AKAP19: variants seen among roughly 807,000 people sequenced by gnomAD.
The protein encoded by AKAP19 is small A-kinase anchoring protein.
the AKAP19 span, among the ~76,000 whole-genome samples, chr2:190,025,027 G>T: frequency 6.6e-6 from 1 of 152,066 alleles, no homozygotes; most frequent in African/African-American, 2.4e-5. Flanking sequence ...CAAGGAGGAG[G>T]TATATTGTTT....
the AKAP19 span, among the ~76,000 whole-genome samples, chr2:190,178,611 T>A: frequency 6.6e-6 from 1 of 152,182 alleles, no homozygotes; most frequent in African/African-American, 2.4e-5. The surrounding 1 kb of genome is among the most constrained non-coding windows in gnomAD (Gnocchi z 6.3). Flanking sequence ...AGCCCTATGA[T>A]GGCGAAGGAA....
At chr2:190,118,496 G>T in the AKAP19 span, among the ~76,000 whole-genome samples, 2 of 152,190 alleles carry the variant, frequency 1.3e-5, no homozygotes, top group Non-Finnish European at 2.9e-5. Context: ...AAATCCAGCA[G>T]CACATCAAAA....
the AKAP19 span, among the ~76,000 whole-genome samples, chr2:190,003,523 GTTTA>G: frequency 2.3e-4 from 35 of 152,154 alleles, no homozygotes; most frequent in South Asian, 7.3e-3. Flanking sequence ...TTTCAAAAGT[GTTTA>G]TTTACTTTCT....
At chr2:190,064,693 T>C in the AKAP19 span, among the ~76,000 whole-genome samples, 1 of 152,300 alleles carries the variant, frequency 6.6e-6, no homozygotes, top group Middle Eastern at 3.4e-3. Flanking sequence ...TTTGAGATTA[T>C]GCTTAAAATT....
chr2:190,114,912 C>G, the AKAP19 span, among the ~76,000 whole-genome samples: 1 of 151,498 alleles, frequency 6.6e-6, no homozygotes, highest in African/African-American at 2.4e-5. Context: ...TCTCTGGAAG[C>G]TTTTAGAATT....
At chr2:190,175,020 C>A in the AKAP19 span, among the ~76,000 whole-genome samples, 1 of 112,800 alleles carries the variant, frequency 8.9e-6, no homozygotes, top group African/African-American at 2.8e-5. Flanking sequence ...TACATAGTTC[C>A]TATCCTCAAG....
At chr2:190,009,962 AAG>A in the AKAP19 span, among the ~76,000 whole-genome samples, 2 of 152,232 alleles carry the variant, frequency 1.3e-5, no homozygotes, top group African/African-American at 4.8e-5. Context: ...TGTTGCAAAA[AAG>A]AGCAAAGGAT....
At chr2:189,904,662 G>T in the AKAP19 span, among the ~76,000 whole-genome samples, 1 of 151,908 alleles carries the variant, frequency 6.6e-6, no homozygotes, top group African/African-American at 2.4e-5. Context: ...TGCAGTTATT[G>T]ATGTTAATGA....
chr2:189,955,059 T>C, the AKAP19 span, among the ~76,000 whole-genome samples: 9 of 152,290 alleles, frequency 5.9e-5, no homozygotes, highest in African/African-American at 1.9e-4. Context: ...ATAGTGTACA[T>C]TGTACTCCAT....
chr2:190,098,539 G>A, the AKAP19 span, among the ~76,000 whole-genome samples: 6 of 152,060 alleles, frequency 3.9e-5, no homozygotes, highest in Non-Finnish European at 8.8e-5. Context: ...CATTTCTAGA[G>A]CACGAGCAGA....
At chr2:189,997,136 G>A in the AKAP19 span, among the ~76,000 whole-genome samples, 76 of 152,332 alleles carry the variant, frequency 5.0e-4, no homozygotes, top group East Asian at 0.014. Context: ...GGTGTTGCAG[G>A]CAGTGGAGTT....
the AKAP19 span, among the ~76,000 whole-genome samples, chr2:189,982,728 G>A: frequency 6.9e-6 from 1 of 145,808 alleles, no homozygotes; most frequent in African/African-American, 2.6e-5. Flanking sequence ...AGTTTATGTT[G>A]TATATGATCA....
At chr2:189,975,076 T>G in the AKAP19 span, among the ~76,000 whole-genome samples, 1 of 152,336 alleles carries the variant, frequency 6.6e-6, no homozygotes, top group East Asian at 1.9e-4. Flanking sequence ...TTCCTAGCAC[T>G]GATGGTCTTT....
At chr2:189,962,361 T>A in the AKAP19 span, among the ~76,000 whole-genome samples, 1 of 152,182 alleles carries the variant, frequency 6.6e-6, no homozygotes, top group Non-Finnish European at 1.5e-5. Context: ...GATGATATAT[T>A]TCTCAGGATG....
chr2:189,883,185 G>A, the AKAP19 span, among the ~76,000 whole-genome samples: 2 of 152,070 alleles, frequency 1.3e-5, no homozygotes, highest in African/African-American at 4.8e-5. Context: ...GAGAGTCTGG[G>A]GTGGGACTGA....
the AKAP19 span, among the ~76,000 whole-genome samples, chr2:189,881,358 A>T: frequency 6.6e-6 from 1 of 152,196 alleles, no homozygotes; most frequent in Admixed American, 6.5e-5. Context: ...TGGCGTCTCC[A>T]AAGGATTGTT....
chr2:190,017,370 G>C, the AKAP19 span, among the ~76,000 whole-genome samples: 1,363 of 152,036 alleles, frequency 9.0e-3, 19 homozygotes, highest in African/African-American at 0.031. Context: ...TTCCTTTGTG[G>C]TTTGATGGTT....
At chr2:190,000,661 G>C in the AKAP19 span, among the ~76,000 whole-genome samples, 1 of 152,058 alleles carries the variant, frequency 6.6e-6, no homozygotes, top group African/African-American at 2.4e-5. Flanking sequence ...TAGAATTTTT[G>C]GTTGACTTTT....
At chr2:190,176,643 C>T in the AKAP19 span, among the ~76,000 whole-genome samples, 2 of 152,204 alleles carry the variant, frequency 1.3e-5, no homozygotes, top group South Asian at 2.1e-4. This position sits in a 1 kb window ranked among gnomAD's most constrained non-coding sequence, Gnocchi z 4.7. Flanking sequence ...CCACGGCATC[C>T]GGCCAAGACA....
Sources: gnomAD v4.1 joint callset for allele counts (sites outside exome capture counted in the v4.1 genomes callset) on GRCh38, gnomAD v4.1.1 for gene constraint, Gnocchi (gnomAD v3.1) non-coding constraint, MANE v1.5 for transcripts, NCBI Gene and HGNC (gene_info 2026-07-23, HGNC 2026-07-21) for gene names.